Variants in TAFA4 observed in about 807,000 individuals in gnomAD.
TAFA4 encodes the protein chemokine-like protein TAFA-4.
Under a neutral mutation model 21.1 loss-of-function variants are expected in TAFA4, and 20 were observed. The observed-to-expected ratio is 0.95, with a 90% CI of 0.67 to 1.38. TAFA4 has a LOEUF of 1.38. TAFA4 is among the 40% of genes most tolerant of loss of function. TAFA4 has a pLI of 0.00. For synonymous variants in TAFA4, 71 were observed against 67.4 expected, an observed-to-expected ratio of 1.05 and a Z score of -0.26; for missense variants, 211 against 180.9, an observed-to-expected ratio of 1.17 and a Z score of -0.95.
At chr3:68,753,334 GTT>G (rs4065540) in intron 3 of TAFA4, among the ~76,000 whole-genome samples, 6 of 114,490 alleles carry the variant, frequency 5.2e-5, no homozygotes, top group Non-Finnish European at 3.4e-5. Context: ...GATTGATAGA[GTT>G]TTTTTTTTTT....
chr3:68,799,957 T>C (rs375522129), intron 3 of TAFA4, among the ~76,000 whole-genome samples: 2 of 152,012 alleles, frequency 1.3e-5, no homozygotes, highest in Non-Finnish European at 2.9e-5. Context: ...GTGAATCCTA[T>C]TGTGAACCGC....
chr3:68,840,532 G>T (rs1288330888), intron 3 of TAFA4, among the ~76,000 whole-genome samples: 1 of 152,078 alleles, frequency 6.6e-6, no homozygotes. Flanking sequence ...ACTAGTTTTA[G>T]AAAAATCATT....
intron 5 of TAFA4, 116 bp downstream of exon 5, chr3:68,738,959 C>T (rs1458439450): frequency 4.1e-6 from 6 of 1,449,062 alleles, no homozygotes; most frequent in Non-Finnish European, 5.6e-6. Flanking sequence ...GGTAGCACTG[C>T]CCAAGCAGGT....
intron 3 of TAFA4, among the ~76,000 whole-genome samples, chr3:68,863,292 T>C (rs1356016978): frequency 6.6e-6 from 1 of 152,042 alleles, no homozygotes; most frequent in East Asian, 1.9e-4. Flanking sequence ...ATATTTCCAG[T>C]AAGAAAGTAG....
rs918078936 is a variant in TAFA4 at position 68,733,025 on chromosome 3, A to C, written c.*117T>G. ...CCACCTCTCACAGCTCACATATACA[A>C]ATATGAAGTTGCTGAAATCCTAGAC... On this transcript the variant is annotated 3_prime_UTR_variant, in exon 6 of 6. Transcript: ENST00000295569. 2 of 1,379,686 alleles carry C rather than the reference A, an allele frequency of 1.4e-6. No homozygotes were observed. The highest frequency in any genetic ancestry group is 2.9e-5 in the African/African-American group (2 of 69,796). The allele number at this position is 1,379,686 out of a possible 1,614,324, so 85.5% of individuals were successfully genotyped here. A position where few individuals can be genotyped will look rare whatever the true frequency, so the allele number is the denominator to read the frequency against.
rs1383184871 is a variant in TAFA4, at chr3:68,925,566, C to T, written c.-123+6674G>A. 2.0e-5 allele frequency among the ~76,000 whole-genome samples: 3 copies of T among 152,176 alleles called. No homozygotes were observed. In the East Asian group the frequency reaches 5.8e-4, roughly 29 times the overall value. On this transcript the variant is annotated intron_variant, in intron 1 of 5. Transcript: ENST00000295569. ...CACTTTAAAAGGTAGAATTGAAGGA[C>T]TTACTCCATTACTGACATATGAAAC...
chr3:68,746,367 C>T (rs929927703), intron 4 of TAFA4, among the ~76,000 whole-genome samples: 1 of 152,154 alleles, frequency 6.6e-6, no homozygotes, highest in Admixed American at 6.6e-5. Flanking sequence ...AGTCCCGTCC[C>T]TCTAGAGAAC....
At chr3:68,755,132 C>G (rs1234319016) in intron 3 of TAFA4, among the ~76,000 whole-genome samples, 1 of 152,188 alleles carries the variant, frequency 6.6e-6, no homozygotes, top group Non-Finnish European at 1.5e-5. Context: ...TCTAGCACCA[C>G]AGTTTCTTGC....
At chr3:68,806,106 T>G (rs1319522811) in intron 3 of TAFA4, among the ~76,000 whole-genome samples, 3 of 152,188 alleles carry the variant, frequency 2.0e-5, no homozygotes, top group African/African-American at 7.2e-5. Flanking sequence ...GACAACATTG[T>G]GAACACTGTA....
rs536837768 is a variant in TAFA4, at chr3:68,839,227, G to A, written c.130+41503C>T. Among the ~76,000 whole-genome samples the A allele has an allele frequency of 2.3e-4, 35 of 152,134 alleles. No homozygotes were observed. In the South Asian group the frequency reaches 7.3e-3, roughly 32 times the overall value. On this transcript the variant is annotated intron_variant, in intron 3 of 5. Coordinates refer to ENST00000295569, the MANE Select transcript of TAFA4 (RefSeq NM_182522.5). Reference sequence around the variant, plus strand: ...TGTGTCCTACAAAGGAAAATAGTAAGGGCATAAAAAATGATAGGAGAGAAC... The same window carrying A: ...TGTGTCCTACAAAGGAAAATAGTAAAGGCATAAAAAATGATAGGAGAGAAC...
chr3:68,861,945 C>T (rs552868140), intron 3 of TAFA4, among the ~76,000 whole-genome samples: 4 of 152,160 alleles, frequency 2.6e-5, no homozygotes, highest in East Asian at 1.9e-4. Context: ...ACATCATTCA[C>T]GTGCAAGCTC....
chr3:68,766,495 A>G (rs1160161696), intron 3 of TAFA4, among the ~76,000 whole-genome samples: 1 of 152,206 alleles, frequency 6.6e-6, no homozygotes, highest in Non-Finnish European at 1.5e-5. Flanking sequence ...AAAATCAATC[A>G]GACAATAATA....
intron 3 of TAFA4, among the ~76,000 whole-genome samples, chr3:68,789,391 C>T (rs932001909): frequency 8.5e-5 from 13 of 152,050 alleles, no homozygotes; most frequent in Admixed American, 7.9e-4. Flanking sequence ...ACAAAGTTTG[C>T]TAAGAGAGTA....
intron 3 of TAFA4, among the ~76,000 whole-genome samples, chr3:68,856,249 G>A (rs1009190065): frequency 1.4e-4 from 22 of 152,220 alleles, no homozygotes; most frequent in African/African-American, 2.6e-4. Flanking sequence ...GGAGCATGGC[G>A]GGAGAGGAAG....
At chr3:68,822,459 T>G (rs1384517793) in intron 3 of TAFA4, among the ~76,000 whole-genome samples, 2 of 152,258 alleles carry the variant, frequency 1.3e-5, no homozygotes, top group East Asian at 1.9e-4. Context: ...GAGGCAACAT[T>G]GCTAAAATTC....
rs531723901 is a variant in TAFA4 at position 68,822,742 on chromosome 3, G to A, written c.130+57988C>T. ...CCGCCTCAGCCTCCCAAAGTGCCAG[G>A]ATTGTAGGCATGAGCCACTGCGCCT... On this transcript the variant is annotated intron_variant, in intron 3 of 5. Coordinates refer to ENST00000295569, the MANE Select transcript of TAFA4 (RefSeq NM_182522.5). 6.6e-5 allele frequency among the ~76,000 whole-genome samples: 10 copies of A among 152,272 alleles called. No individual in the cohort carries two copies. In the South Asian group the frequency reaches 1.7e-3, roughly 25 times the overall value.
In TAFA4 at chr3:68,736,355, G is replaced by A. The variant is rs576825030; in HGVS notation, c.411+2720C>T. 2.6e-3 allele frequency among the ~76,000 whole-genome samples: 397 copies of A among 151,976 alleles called. 1 individual carries two copies. The highest frequency in any genetic ancestry group is 8.7e-3 in the African/African-American group (361 of 41,436). Reference sequence around the variant, plus strand: ...CCCTCTAGAGACACTGAAAACTGTCGGCAGAGTAAACTCAGTGCCAATATT... The same window carrying A: ...CCCTCTAGAGACACTGAAAACTGTCAGCAGAGTAAACTCAGTGCCAATATT... On this transcript the variant is annotated intron_variant, in intron 5 of 5. Transcript: ENST00000295569.
At chr3:68,783,781 A>G (rs1268528787) in intron 3 of TAFA4, among the ~76,000 whole-genome samples, 1 of 150,696 alleles carries the variant, frequency 6.6e-6, no homozygotes, top group African/African-American at 2.5e-5. Context: ...GAAACAAAGA[A>G]AAAGAGATGG....
chr3:68,862,912 T>C (rs552365201), intron 3 of TAFA4, among the ~76,000 whole-genome samples: 1 of 151,128 alleles, frequency 6.6e-6, no homozygotes, highest in Non-Finnish European at 1.5e-5. Context: ...CCAGCTAAAA[T>C]GAGTAAGAAT....
Sources: allele counts gnomAD v4.1 joint callset (sites outside exome capture counted in the v4.1 genomes callset), GRCh38; gene constraint gnomAD v4.1.1; transcripts MANE v1.5; gene names NCBI Gene and HGNC (gene_info 2026-07-23, HGNC 2026-07-21).